BRWD1: variants seen among roughly 807,000 people sequenced by gnomAD.
BRWD1 encodes the protein bromodomain and WD repeat-containing protein 1.
BRWD1 carries 82 observed loss-of-function variants against 251.2 expected under a neutral mutation model. The ratio of observed to expected loss-of-function variants is 0.33; its 90% CI spans 0.27 to 0.39. BRWD1 has a LOEUF of 0.39. BRWD1 is among the 10% of genes least tolerant of loss of function. BRWD1 has a pLI of 1.00. For synonymous variants in BRWD1, 918 were observed against 902.8 expected, an observed-to-expected ratio of 1.02 and a Z score of -0.30; for missense variants, 2,233 against 2,711.6, an observed-to-expected ratio of 0.82 and a Z score of 3.92.
At position 39,295,854 on chromosome 21, in the gene BRWD1, T is replaced by A. The variant is rs371062576; in HGVS notation, c.498A>T (p.Thr166=). 1.2e-6 allele frequency: 2 copies of A among 1,609,000 alleles called. No individual in the cohort carries two copies. Among genetic ancestry groups the A allele is most frequent in the Admixed American group, 3.3e-5 (2 of 59,756 alleles). The change falls in exon 7 of 41, where the codon ACA becomes ACT. Residue 166 remains threonine (T), a synonymous_variant. Transcript: ENST00000342449. ...GCTGATACATAGTTCCTGGAAATGC[T>A]GTACTAAAAGTGGAACACCCTGTGA... ...KQLTGCSTFS[T]AFPGTMYQHI...
chr21:39,273,555 CAA>C (rs1006884648), intron 13 of BRWD1, among the ~76,000 whole-genome samples: 13 of 152,178 alleles, frequency 8.5e-5, no homozygotes, highest in African/African-American at 2.9e-4. Context: ...TGAGCCTGAA[CAA>C]AAGTCTTTAC....
chr21:39,230,218 G>A (rs1007719432), intron 25 of BRWD1, among the ~76,000 whole-genome samples: 2 of 152,234 alleles, frequency 1.3e-5, no homozygotes, highest in African/African-American at 2.4e-5. Context: ...GGGACAGGAC[G>A]GTAAACAAGT....
intron 4 of BRWD1, chr21:39,312,503 G>C (rs1443841463): frequency 4.5e-6 from 1 of 224,520 alleles, no homozygotes. Flanking sequence ...CGGTGGAGCG[G>C]GGAAGCGAAT....
intron 19 of BRWD1, among the ~76,000 whole-genome samples, chr21:39,252,281 A>G (rs978009833): frequency 1.1e-4 from 16 of 151,990 alleles, no homozygotes; most frequent in African/African-American, 3.9e-4. Context: ...TAATGAATAG[A>G]ATTTCTACCG....
chr21:39,281,649 G>A (rs2035460221), intron 8 of BRWD1, among the ~76,000 whole-genome samples: 1 of 152,178 alleles, frequency 6.6e-6, no homozygotes, highest in South Asian at 2.1e-4. Flanking sequence ...GGCCAACATG[G>A]TGAAACACCA....
In BRWD1 at chr21:39,189,112, T is replaced by G; in HGVS notation, c.*7147A>C. 1 of 984,082 alleles carries G rather than the reference T, an allele frequency of 1.0e-6. No homozygotes were observed. Among genetic ancestry groups the G allele is most frequent in the East Asian group, 1.1e-4 (1 of 8,812 alleles). 61.0% of individuals were successfully genotyped at this position (984,082 alleles called of 1,614,324 possible). On this transcript the variant is annotated 3_prime_UTR_variant, in exon 41 of 41. Coordinates refer to ENST00000342449, the MANE Select transcript of BRWD1 (RefSeq NM_033656.4). ...AATCTTTAACACATTAAATCAATGT[T>G]AGCAAATGCTAAAATGTAAATATGC...
At chr21:39,215,555 A>G (rs2032853643) in intron 31 of BRWD1, among the ~76,000 whole-genome samples, 193 bp from the exon 32 acceptor site, 1 of 152,248 alleles carries the variant, frequency 6.6e-6, no homozygotes, top group Non-Finnish European at 1.5e-5. Context: ...AAGCAATTAT[A>G]TTGAACTGAA....
In BRWD1 at chr21:39,280,192, C is replaced by T; in HGVS notation, c.888G>A (p.Gly296=). 1 of 1,607,602 alleles carries T rather than the reference C, an allele frequency of 6.2e-7. No homozygotes were observed. The highest frequency in any genetic ancestry group is 8.5e-7 in the Non-Finnish European group (1 of 1,178,154). ...QRYMVSTGAD[G]TVCFWQWDLE... is the part of the protein sequence containing the mutation. ...AATCCCATTGCCAAAAGCAAACTGT[C>T]CCATCAGCACCAGTGGAAACCATGT... Residue 296 remains glycine, a synonymous_variant, in exon 9 of 41, where the codon GGG becomes GGA. Coordinates refer to ENST00000342449, the MANE Select transcript of BRWD1 (RefSeq NM_033656.4).
chr21:39,292,700 T>C (rs1386555892), intron 8 of BRWD1, among the ~76,000 whole-genome samples: 4 of 151,388 alleles, frequency 2.6e-5, no homozygotes, highest in African/African-American at 9.7e-5. Context: ...ATCCAAACTG[T>C]GGGGAAACTA....
chr21:39,215,726 G>C (rs1310074929), intron 31 of BRWD1, among the ~76,000 whole-genome samples: 1 of 152,144 alleles, frequency 6.6e-6, no homozygotes, highest in African/African-American at 2.4e-5. Context: ...AGCAAGCTGG[G>C]ATTACACCTG....
At chr21:39,242,846 A>C (rs1038798297) in intron 21 of BRWD1, among the ~76,000 whole-genome samples, 2 of 152,188 alleles carry the variant, frequency 1.3e-5, no homozygotes, top group Non-Finnish European at 2.9e-5. Flanking sequence ...TTACAGCATC[A>C]TTTACAGCAT....
intron 15 of BRWD1, among the ~76,000 whole-genome samples, chr21:39,269,389 A>G (rs1047549427): frequency 1.5e-4 from 23 of 151,716 alleles, no homozygotes; most frequent in African/African-American, 4.8e-4. Flanking sequence ...GCTGGACTTG[A>G]ATTCCTGGGC....
Position 39,247,691 on chromosome 21 carries a change from T to C in BRWD1, c.2481+10A>G, listed in dbSNP as rs1196999985. 6.3e-7 allele frequency: 1 copy of C among 1,592,164 alleles called. No individual in the cohort carries two copies. The highest frequency in any genetic ancestry group is 1.8e-5 in the Admixed American group (1 of 54,200). ...GATTATCTTATAACATTTTAAAGTT[T>C]TCCACTCACATGTCTTACAGAGCTT... On this transcript the variant is annotated intron_variant, in intron 21 of 40. Coordinates refer to ENST00000342449, the MANE Select transcript of BRWD1 (RefSeq NM_033656.4).
chr21:39,315,977 C>G (rs2036694427), upstream of BRWD1, among the ~76,000 whole-genome samples: 1 of 152,152 alleles, frequency 6.6e-6, no homozygotes, highest in African/African-American at 2.4e-5. Flanking sequence ...AATATGATTT[C>G]TAGTTTAAGG....
chr21:39,305,060 A>G (rs570381469), intron 4 of BRWD1, among the ~76,000 whole-genome samples: 1 of 149,228 alleles, frequency 6.7e-6, no homozygotes, highest in South Asian at 2.1e-4. Context: ...CTTGGATTCA[A>G]GCAATTCTCC....
At chr21:39,255,501 A>G in intron 19 of BRWD1, 144 bp downstream of exon 19, 4 of 677,688 alleles carry the variant, frequency 5.9e-6, no homozygotes, top group Non-Finnish European at 9.5e-6. Context: ...TTTTCCTACC[A>G]CAATTAAGAT....
chr21:39,191,932 T>C lies in BRWD1; in HGVS notation c.*4327A>G, dbSNP rs2031574764. ...GATAATTAAATTCAAACTATTGGTCTTGCCATACTTGAGAAACAGATGTAT... is the reference window on the plus strand; with the variant it reads ...GATAATTAAATTCAAACTATTGGTCCTGCCATACTTGAGAAACAGATGTAT... On this transcript the variant is annotated 3_prime_UTR_variant, in exon 41 of 41. Transcript: ENST00000342449. 1 of 984,658 alleles carries C rather than the reference T, an allele frequency of 1.0e-6. No homozygotes were observed. Among genetic ancestry groups the C allele is most frequent in the South Asian group, 4.7e-5 (1 of 21,274 alleles). 61.0% of individuals were successfully genotyped at this position (984,658 alleles called of 1,614,324 possible).
intron 15 of BRWD1, among the ~76,000 whole-genome samples, chr21:39,265,349 G>A (rs1163167972): frequency 2.6e-5 from 4 of 152,060 alleles, no homozygotes; most frequent in South Asian, 2.1e-4. Context: ...CGTTTGAACC[G>A]GGGAGGCAGG....
In BRWD1 at chr21:39,274,440, C is replaced by T. The variant is rs759416383; in HGVS notation, c.1178G>A (p.Arg393Gln). Residue 393 changes from arginine to glutamine, a missense_variant, in exon 13 of 41, where the codon CGG becomes CAG. Transcript: ENST00000342449. ...FLSGSRDGTA[R>Q]IWRFEQLEWR... ...TTCTAACTGCTCAAATCTCCAAATC[C>T]GTGCTGTTCCATCTCTGCTACCACT... The T allele has an allele frequency of 6.9e-5, 111 of 1,613,788 alleles. No homozygotes were observed. Among genetic ancestry groups the T allele is most frequent in the Non-Finnish European group, 8.6e-5 (101 of 1,179,920 alleles).
Sources: gnomAD v4.1 joint callset for allele counts (sites outside exome capture counted in the v4.1 genomes callset) on GRCh38, gnomAD v4.1.1 for gene constraint, MANE v1.5 for transcripts, NCBI Gene and HGNC (gene_info 2026-07-23, HGNC 2026-07-21) for gene names.